CHIT1: variants seen among roughly 807,000 people sequenced by gnomAD.
CHIT1 encodes chitotriosidase-1.
CHIT1 carries 47 observed loss-of-function variants against 52.0 expected under a neutral mutation model. The observed-to-expected ratio is 0.90, with a 90% CI of 0.71 to 1.15. The LOEUF is 1.15. CHIT1 is among the 50% of genes most tolerant of loss of function. The probability of loss-of-function intolerance (pLI) is 0.00; values close to 1 mark genes in which losing one functional copy is unlikely to be tolerated. For synonymous variants in CHIT1, 242 were observed against 228.2 expected (o/e 1.06, Z -0.54); for missense variants, 569 against 583.0 (o/e 0.98, Z 0.25).
Position 203,217,730 on chromosome 1 carries a change from C to T in CHIT1, c.1156+9G>A, listed in dbSNP as rs748770137. ...AAATTCCACCACTGGCCCTGGGCCC[C>T]TTACTTACTCAGTTCCTGCCGTAGC... On this transcript the variant is annotated intron_variant, in intron 10 of 10. Coordinates refer to ENST00000367229, the MANE Select transcript of CHIT1 (RefSeq NM_003465.3). 4.3e-6 allele frequency: 7 copies of T among 1,613,192 alleles called. No homozygotes were observed. The South Asian group carries it at 7.7e-5, about 18-fold the overall frequency.
intron 1 of CHIT1, 115 bp from the exon 2 acceptor site, chr1:203,228,677 A>G: frequency 8.1e-7 from 1 of 1,229,650 alleles, no homozygotes; most frequent in Non-Finnish European, 1.2e-6. Flanking sequence ...ATACAAATCA[A>G]GCTTTCTCCT....
At chr1:203,227,941 G>A (rs1446798322) in intron 2 of CHIT1, among the ~76,000 whole-genome samples, 2 of 152,198 alleles carry the variant, frequency 1.3e-5, no homozygotes, top group Non-Finnish European at 2.9e-5. Flanking sequence ...CTGATGCCCA[G>A]GGAATGGGGT....
intron 4 of CHIT1, among the ~76,000 whole-genome samples, chr1:203,224,289 T>A (rs1416642576): frequency 5.3e-5 from 8 of 152,224 alleles, no homozygotes; most frequent in Admixed American, 5.2e-4. Flanking sequence ...TAGTGGGAAG[T>A]CCCTGAACTT....
intron 9 of CHIT1, among the ~76,000 whole-genome samples, chr1:203,218,983 A>G (rs1329424017): frequency 6.6e-6 from 1 of 152,246 alleles, no homozygotes; most frequent in Non-Finnish European, 1.5e-5. Context: ...ATGGTATTTA[A>G]TAAAATAGAA....
rs1413005910 is a variant in CHIT1 at position 203,217,766 on chromosome 1, G to T, written c.1129C>A (p.Leu377Ile). The T allele has an allele frequency of 6.2e-7, 1 of 1,613,708 alleles. No homozygotes were observed. The highest frequency in any genetic ancestry group is 2.2e-5 in the East Asian group (1 of 44,850). The part of the protein sequence containing the change: ...GFSCNQGRYP[L>I]IQTLRQELSL... ...AGTTCCTGCCGTAGCGTCTGGATGA[G>T]GGGGTATCGGCCCTGGTTGCAGGAG... The change falls in exon 10 of 11, where the codon CTC (leucine) becomes ATC (isoleucine). Residue 377 changes from leucine (L) to isoleucine (I), a missense_variant. By Grantham distance (5) the Leu-to-Ile change is conservative (BLOSUM62 2). Transcript: ENST00000367229.
chr1:203,229,504 CT>C, intron 1 of CHIT1, 107 bp downstream of exon 1: 2 of 1,306,866 alleles, frequency 1.5e-6, no homozygotes, highest in East Asian at 4.9e-5. Context: ...CTCTGAAGTT[CT>C]CCTGAGTCCT....
upstream of CHIT1, chr1:203,229,808 G>A: frequency 1.3e-6 from 1 of 746,206 alleles, no homozygotes; most frequent in Admixed American, 2.0e-5. Context: ...GCATGAATTG[G>A]GCAAACTTGA....
chr1:203,217,765 AGG>A lies in CHIT1; in HGVS notation c.1128_1129del (p.Leu377HisfsTer21), dbSNP rs771290544. On this transcript the variant is annotated frameshift_variant, in exon 10 of 11. Coordinates refer to ENST00000367229, the MANE Select transcript of CHIT1 (RefSeq NM_003465.3). LOFTEE classifies it low-confidence loss of function (END_TRUNC). The stretch of plus-strand genomic sequence containing the variant: ...CAGTTCCTGCCGTAGCGTCTGGATG[AGG>A]GGGTATCGGCCCTGGTTGCAGGAGA... 1.5e-5 allele frequency: 25 copies of A among 1,613,680 alleles called. No individual in the cohort carries two copies. Among genetic ancestry groups the A allele is most frequent in the Non-Finnish European group, 2.0e-5 (24 of 1,179,758 alleles).
chr1:203,223,716 C>G, intron 4 of CHIT1, 56 bp from the exon 5 acceptor site: 1 of 1,578,222 alleles, frequency 6.3e-7, no homozygotes, highest in Non-Finnish European at 8.7e-7. Flanking sequence ...GGAGGCCACT[C>G]TTACTCAGAA....
intron 3 of CHIT1, 114 bp from the exon 4 acceptor site, chr1:203,225,218 G>T: frequency 1.1e-6 from 1 of 933,104 alleles, no homozygotes; most frequent in Non-Finnish European, 1.7e-6. Context: ...AAGTGCCTAT[G>T]TGCAGAGACT....
At chr1:203,222,652 T>G (rs1651885412) in intron 6 of CHIT1, among the ~76,000 whole-genome samples, 1 of 152,194 alleles carries the variant, frequency 6.6e-6, no homozygotes, top group African/African-American at 2.4e-5. Flanking sequence ...TTTCTCCCAC[T>G]TCAGTGTGCA....
At chr1:203,223,691 G>C in intron 4 of CHIT1, 31 bp from the exon 5 acceptor site, 1 of 1,612,772 alleles carries the variant, frequency 6.2e-7, no homozygotes, top group East Asian at 2.2e-5. Flanking sequence ...GTAAGGGCCG[G>C]CCTTGGACCA....
At chr1:203,218,034 C>A in intron 9 of CHIT1, 169 bp from the exon 10 acceptor site, 5 of 1,532,112 alleles carry the variant, frequency 3.3e-6, no homozygotes, top group Non-Finnish European at 4.4e-6. Context: ...ATGCTGAGTC[C>A]TCATGCTGCT....
chr1:203,227,099 G>A (rs748163527), intron 2 of CHIT1, among the ~76,000 whole-genome samples: 1 of 152,184 alleles, frequency 6.6e-6, no homozygotes, highest in Admixed American at 6.5e-5. Flanking sequence ...GGGATGGGAC[G>A]AGGAAGAGGA....
intron 4 of CHIT1, 146 bp from the exon 5 acceptor site, chr1:203,223,806 C>A: frequency 2.4e-6 from 2 of 846,578 alleles, no homozygotes; most frequent in Non-Finnish European, 4.0e-6. Context: ...TCAGAGGCTG[C>A]AGGGATATTT....
intron 8 of CHIT1, 101 bp downstream of exon 8, chr1:203,219,562 CA>C (rs1213797869): frequency 1.0e-5 from 14 of 1,357,028 alleles, no homozygotes; most frequent in Non-Finnish European, 1.1e-5. Context: ...GAATTCTCTG[CA>C]ATTGGCATCC....
Position 203,216,418 on chromosome 1 carries a change from G to A in CHIT1, c.*471C>T, listed in dbSNP as rs747018211. On this transcript the variant is annotated 3_prime_UTR_variant, in exon 11 of 11. Transcript: ENST00000367229. ...ATTTTGGGAATAACACGTGCGTGAA[G>A]GTCCGCAGAAGCTCCTGTTTCCAGG... The A allele has an allele frequency of 2.2e-6, 1 of 454,442 alleles. No individual in the cohort carries two copies. The highest frequency in any genetic ancestry group is 1.6e-5 in the South Asian group (1 of 64,484). 28.2% of individuals were successfully genotyped at this position (454,442 alleles called of 1,614,324 possible).
chr1:203,220,048 G>A (rs1355656923), intron 7 of CHIT1, among the ~76,000 whole-genome samples, 199 bp from the exon 8 acceptor site: 5 of 152,164 alleles, frequency 3.3e-5, no homozygotes, highest in African/African-American at 1.2e-4. Flanking sequence ...AAGCTGCATG[G>A]CATGATAACC....
intron 10 of CHIT1, 131 bp downstream of exon 10, chr1:203,217,608 T>C (rs1656579869): frequency 6.9e-7 from 1 of 1,455,408 alleles, no homozygotes; most frequent in Non-Finnish European, 9.5e-7. Context: ...TACATGAAGC[T>C]TGGGAAATTA....
Sources: allele counts gnomAD v4.1 joint callset (sites outside exome capture counted in the v4.1 genomes callset), GRCh38; gene constraint gnomAD v4.1.1; transcripts MANE v1.5; gene names NCBI Gene and HGNC (gene_info 2026-07-23, HGNC 2026-07-21).